AASDH: variants seen among roughly 807,000 people sequenced by gnomAD.
AASDH encodes the protein beta-alanine-activating enzyme.
In AASDH, 81 loss-of-function variants were observed where a neutral mutation model predicts 102.3. The ratio of observed to expected loss-of-function variants is 0.79; its 90% CI spans 0.66 to 0.95. The LOEUF (loss-of-function observed/expected upper bound fraction) is 0.95, where lower values mean the gene tolerates loss of function less well. Among genes scored for constraint, AASDH ranks in the 40% least tolerant of loss-of-function variants. The pLI, the probability that AASDH is intolerant of heterozygous loss-of-function variation, is 0.00. For missense variants in AASDH, 1,203 were observed against 1,266.2 expected, an observed-to-expected ratio of 0.95 and a Z score of 0.76; for synonymous variants, 398 against 454.0, an observed-to-expected ratio of 0.88 and a Z score of 1.57.
chr4:56,338,652 G>C lies in AASDH; in HGVS notation c.3047C>G (p.Thr1016Ser), dbSNP rs369772967. The change falls in exon 15 of 15, where the codon ACT becomes AGT. Residue 1016 changes from threonine to serine, a missense_variant. Thr to Ser is a moderately conservative substitution (Grantham distance 58). Transcript: ENST00000205214. ...CGGTGTTGCATAGACCCTTGAAGTA[G>C]TTTCAAATTTCCACTGCAGGTGACC... is the stretch of plus-strand genomic sequence containing the variant. Reference protein sequence around the residue: ...MKGHLQWKFETTSRVYATPFA... With the variant: ...MKGHLQWKFESTSRVYATPFA... 3.1e-6 allele frequency: 5 copies of C among 1,614,034 alleles called. No homozygotes were observed. The African/African-American group carries it at 4.0e-5, about 13-fold the overall frequency.
chr4:56,345,377 GTCC>G, intron 11 of AASDH, 87 bp from the exon 12 acceptor site: 1 of 1,282,818 alleles, frequency 7.8e-7, no homozygotes, highest in African/African-American at 1.5e-5. Context: ...TTTATATTCA[GTCC>G]TCCTCTTATA....
chr4:56,365,707 C>G (rs1057021155), intron 5 of AASDH, among the ~76,000 whole-genome samples: 3 of 151,968 alleles, frequency 2.0e-5, no homozygotes, highest in African/African-American at 7.3e-5. Flanking sequence ...ATCTCTGGGA[C>G]GCATTCAAAG....
At chr4:56,372,990 T>C (rs1751925589) in intron 4 of AASDH, among the ~76,000 whole-genome samples, 1 of 152,198 alleles carries the variant, frequency 6.6e-6, no homozygotes, top group Non-Finnish European at 1.5e-5. Context: ...TCCTGGCCTC[T>C]CTGTGTGGCA....
chr4:56,347,919 G>A (rs890652541), intron 11 of AASDH, among the ~76,000 whole-genome samples: 1 of 152,122 alleles, frequency 6.6e-6, no homozygotes, highest in Non-Finnish European at 1.5e-5. Flanking sequence ...TTGGGACACC[G>A]AGGCAGGTGG....
chr4:56,355,744 G>A (rs568188197), intron 5 of AASDH, among the ~76,000 whole-genome samples: 2 of 151,672 alleles, frequency 1.3e-5, no homozygotes, highest in Non-Finnish European at 2.9e-5. Context: ...TCAGCCTCCT[G>A]AACAGCTTGG....
At position 56,361,150 on chromosome 4, in the gene AASDH, G is replaced by C. The variant is rs533741917; in HGVS notation, c.862-5727C>G. ...ATGGAGGCCGAGTGTGGTGACTCAC[G>C]CCTGTAATCCCAACACTTTGGAAAG... is the stretch of plus-strand genomic sequence containing the variant. On this transcript the variant is annotated intron_variant, in intron 5 of 14. Transcript: ENST00000205214. Among the ~76,000 whole-genome samples, 8 of 152,280 alleles carry C rather than the reference G, an allele frequency of 5.3e-5. No homozygotes were observed. In the East Asian group the frequency reaches 1.5e-3, roughly 29 times the overall value.
At chr4:56,339,853 AG>A (rs1238014946) in intron 14 of AASDH, among the ~76,000 whole-genome samples, 1 of 152,120 alleles carries the variant, frequency 6.6e-6, no homozygotes, top group African/African-American at 2.4e-5. Context: ...TGAAAGGAAG[AG>A]TTTATGGGCA....
chr4:56,343,852 CCAGAGACAACCAG>C (rs1748005888), intron 12 of AASDH, among the ~76,000 whole-genome samples, 168 bp from the exon 13 acceptor site: 1 of 152,046 alleles, frequency 6.6e-6, no homozygotes, highest in Non-Finnish European at 1.5e-5. Context: ...AGGACACTAC[CCAGAGACAACCAG>C]TGTTAACATT....
In AASDH at chr4:56,349,474, C is replaced by T. The variant is rs780900318; in HGVS notation, c.2277G>A (p.Trp759Ter). 3.1e-6 allele frequency: 5 copies of T among 1,614,088 alleles called. No individual in the cohort carries two copies. In the African/African-American group the frequency reaches 6.7e-5, roughly 22 times the overall value. ...CTACACATTTGCCTGTGTCTGACCT[C>T]CACCTCACATGTAACTCCATTTTCT... The part of the protein sequence containing the change: ...GTQKMELHVR[W>*]RSDTGKCVDA... Residue 759 changes from tryptophan to a stop codon, truncating the protein, a stop_gained, in exon 11 of 15, where the codon TGG becomes TGA. Transcript: ENST00000205214. LOFTEE classifies it high-confidence loss of function.
intron 4 of AASDH, among the ~76,000 whole-genome samples, chr4:56,372,681 T>A (rs1465138559): frequency 6.6e-6 from 1 of 152,220 alleles, no homozygotes; most frequent in Non-Finnish European, 1.5e-5. Context: ...ACTCATTGTG[T>A]GTTAAAGGTG....
chr4:56,377,086 TAAATA>T (rs71192098), intron 4 of AASDH, among the ~76,000 whole-genome samples: 1 of 138,264 alleles, frequency 7.2e-6, no homozygotes, highest in Non-Finnish European at 1.5e-5. Context: ...AAAAAATAAA[TAAATA>T]AAATAAAATA....
Position 56,351,376 on chromosome 4 carries a change from T to A in AASDH, c.1658A>T (p.Glu553Val), listed in dbSNP as rs900254397. The A allele has an allele frequency of 1.3e-6, 2 of 1,599,986 alleles. No homozygotes were observed. The highest frequency in any genetic ancestry group is 2.7e-5 in the African/African-American group (2 of 74,490). Residue 553 changes from glutamate to valine, a missense_variant, in exon 10 of 15, where the codon GAG becomes GTG. Coordinates refer to ENST00000205214, the MANE Select transcript of AASDH (RefSeq NM_181806.4). ...ATACTGTAATTTTTCCCAAAGGTCC[T>A]CTTTCCCACTGAGCTTATTCTCAGA... ...LKSENKLSGK[E>V]DLWEKLQYLW...
intron 5 of AASDH, among the ~76,000 whole-genome samples, chr4:56,366,678 T>C (rs1414085116): frequency 4.0e-5 from 6 of 151,606 alleles, no homozygotes; most frequent in East Asian, 1.9e-4. Flanking sequence ...CAACCCTTCA[T>C]GCTAAAAACT....
In AASDH at chr4:56,338,518, A is replaced by AAAC. The variant is rs1400162246; in HGVS notation, c.3178_3180dup (p.Val1060dup). The stretch of plus-strand genomic sequence containing the variant: ...GAGAAGACTTCTCCAGGAAGTTCAT[A>AAAC]AACACTTTGCAATTGTCCACTCTGA... On this transcript the variant is annotated inframe_insertion, in exon 15 of 15. Coordinates refer to ENST00000205214, the MANE Select transcript of AASDH (RefSeq NM_181806.4). 6 of 1,613,892 alleles carry AAAC rather than the reference A, an allele frequency of 3.7e-6. No homozygotes were observed. The South Asian group carries it at 5.5e-5, about 15-fold the overall frequency.
At chr4:56,349,224 T>C in intron 11 of AASDH, 39 bp downstream of exon 11, 1 of 1,592,972 alleles carries the variant, frequency 6.3e-7, no homozygotes, top group East Asian at 2.2e-5. Flanking sequence ...TGTATGGTAA[T>C]TCAATTTAAC....
intron 7 of AASDH, 125 bp downstream of exon 7, chr4:56,354,580 A>G (rs1749373779): frequency 1.5e-6 from 1 of 689,464 alleles, no homozygotes; most frequent in Admixed American, 3.1e-5. Flanking sequence ...GACTATATGA[A>G]TGAGAATAAA....
intron 5 of AASDH, among the ~76,000 whole-genome samples, chr4:56,369,231 C>T (rs1751406342): frequency 6.6e-6 from 1 of 152,162 alleles, no homozygotes; most frequent in Non-Finnish European, 1.5e-5. Flanking sequence ...AAACATCAAA[C>T]AAGGGGATGA....
chr4:56,356,858 C>T, intron 5 of AASDH: 1 of 916,938 alleles, frequency 1.1e-6, no homozygotes, highest in Admixed American at 1.7e-5. Flanking sequence ...AATGTCCTGG[C>T]TCCCAAGTCT....
intron 5 of AASDH, among the ~76,000 whole-genome samples, chr4:56,357,584 T>G (rs761541572): frequency 1.7e-4 from 26 of 151,584 alleles, no homozygotes; most frequent in Non-Finnish European, 2.6e-4. Flanking sequence ...TGATCTATTT[T>G]CTGTCGCTAC....
Sources: allele counts gnomAD v4.1 joint callset (sites outside exome capture counted in the v4.1 genomes callset), GRCh38; gene constraint gnomAD v4.1.1; transcripts MANE v1.5; gene names NCBI Gene and HGNC (gene_info 2026-07-23, HGNC 2026-07-21).